FBXL13: variants seen among roughly 807,000 people sequenced by gnomAD.
FBXL13 encodes the protein F-box and leucine rich repeat protein 13.
Under a neutral mutation model 83.6 loss-of-function variants are expected in FBXL13, and 67 were observed. That is an observed-to-expected ratio of 0.80 (90% CI 0.66 to 0.98). The LOEUF (loss-of-function observed/expected upper bound fraction) is 0.98, where lower values mean the gene tolerates loss of function less well. Ranked by LOEUF, FBXL13 falls within the 50% of genes least tolerant of loss-of-function variation. The pLI, the probability that FBXL13 is intolerant of heterozygous loss-of-function variation, is 0.00. For missense variants in FBXL13, 822 were observed against 866.5 expected, an observed-to-expected ratio of 0.95 and a Z score of 0.64; for synonymous variants, 272 against 299.5, an observed-to-expected ratio of 0.91 and a Z score of 0.95.
rs142514439 is a variant in FBXL13 at position 102,920,956 on chromosome 7, G to A, written c.878+5318C>T. Among the ~76,000 whole-genome samples, 571 of 151,440 alleles carry A rather than the reference G, an allele frequency of 3.8e-3. 5 individuals are homozygous for A. Among genetic ancestry groups the A allele is most frequent in the African/African-American group, 0.014 (562 of 41,296 alleles). Reference sequence around the variant, plus strand: ...ATCACGAGGTCAGGAGTTCGAGACCGGCCTGGCCAACATGATGAAACCCTG... The same window carrying A: ...ATCACGAGGTCAGGAGTTCGAGACCAGCCTGGCCAACATGATGAAACCCTG... On this transcript the variant is annotated intron_variant, in intron 10 of 19. Transcript: ENST00000313221.
At chr7:102,927,913 A>T (rs1273407436) in intron 9 of FBXL13, among the ~76,000 whole-genome samples, 1 of 152,256 alleles carries the variant, frequency 6.6e-6, no homozygotes, top group Non-Finnish European at 1.5e-5. Flanking sequence ...CAAGTATCAA[A>T]GTGATTATAC....
At chr7:102,852,925 C>T (rs917328166) in intron 17 of FBXL13, among the ~76,000 whole-genome samples, 4 of 152,136 alleles carry the variant, frequency 2.6e-5, no homozygotes, top group African/African-American at 9.7e-5. Flanking sequence ...ATTGCAAAAT[C>T]GGGGAACTAA....
At chr7:102,959,993 G>C (rs576854731) in intron 8 of FBXL13, among the ~76,000 whole-genome samples, 1 of 152,108 alleles carries the variant, frequency 6.6e-6, no homozygotes, top group African/African-American at 2.4e-5. Context: ...CACATATATA[G>C]AAATGTATTT....
chr7:102,873,304 CTGTGTAA>C (rs1455643940), intron 16 of FBXL13, among the ~76,000 whole-genome samples: 3 of 152,206 alleles, frequency 2.0e-5, no homozygotes, highest in South Asian at 4.1e-4. Context: ...TGCTCCCTGA[CTGTGTAA>C]GGGACACAGC....
chr7:103,004,256 C>T (rs533411256), intron 6 of FBXL13, among the ~76,000 whole-genome samples: 44 of 152,344 alleles, frequency 2.9e-4, no homozygotes, highest in African/African-American at 9.9e-4. Flanking sequence ...ATTGCTACCT[C>T]CTTTTCAGCA....
At chr7:102,985,666 T>C (rs185018907) in intron 6 of FBXL13, among the ~76,000 whole-genome samples, 1 of 152,182 alleles carries the variant, frequency 6.6e-6, no homozygotes, top group East Asian at 1.9e-4. Flanking sequence ...TGAACAGGAA[T>C]AACAGAAACT....
At chr7:102,931,133 A>G (rs1819093351) in intron 9 of FBXL13, among the ~76,000 whole-genome samples, 1 of 152,194 alleles carries the variant, frequency 6.6e-6, no homozygotes, top group Non-Finnish European at 1.5e-5. Flanking sequence ...GGAAAGCACC[A>G]CTTGGGGACA....
At chr7:103,033,753 C>G (rs999004283) in intron 2 of FBXL13, among the ~76,000 whole-genome samples, 9 of 152,092 alleles carry the variant, frequency 5.9e-5, no homozygotes, top group Non-Finnish European at 1.3e-4. Context: ...AATGAAAGAA[C>G]AAAGCTTCCA....
intron 10 of FBXL13, among the ~76,000 whole-genome samples, chr7:102,923,079 A>G (rs1817398645): frequency 6.6e-6 from 1 of 152,234 alleles, no homozygotes; most frequent in Non-Finnish European, 1.5e-5. Context: ...ACACAAGGTG[A>G]TATATGTCAA....
rs773469618 is a variant in FBXL13, at chr7:102,833,004, C to T, written c.1720-30G>A. The T allele has an allele frequency of 4.3e-6, 7 of 1,612,488 alleles. No homozygotes were observed. In the South Asian group the frequency reaches 5.5e-5, roughly 13 times the overall value. On this transcript the variant is annotated intron_variant, in intron 17 of 19. Transcript: ENST00000313221. The stretch of plus-strand genomic sequence containing the variant: ...AAAAAATTCCAAGGTCAAATTTTTT[C>T]TTTTCTTTAGTCATCTAGAACTGTC...
chr7:103,017,611 G>A (rs1792523970), intron 6 of FBXL13, among the ~76,000 whole-genome samples: 1 of 152,180 alleles, frequency 6.6e-6, no homozygotes, highest in South Asian at 2.1e-4. Flanking sequence ...AGAATAACTA[G>A]TGTAGAGAAG....
At chr7:102,871,832 T>C (rs1808575754) in intron 16 of FBXL13, among the ~76,000 whole-genome samples, 1 of 152,178 alleles carries the variant, frequency 6.6e-6, no homozygotes, top group African/African-American at 2.4e-5. Context: ...CTTTAATATG[T>C]CCTTTCCATG....
At chr7:102,951,470 C>T (rs1823394616) in intron 8 of FBXL13, among the ~76,000 whole-genome samples, 1 of 150,416 alleles carries the variant, frequency 6.6e-6, no homozygotes, top group Admixed American at 6.6e-5. Context: ...CCTGAAGAAA[C>T]TAGAAAAGAA....
At chr7:102,991,871 G>C (rs1016829860) in intron 6 of FBXL13, among the ~76,000 whole-genome samples, 1 of 152,154 alleles carries the variant, frequency 6.6e-6, no homozygotes, top group African/African-American at 2.4e-5. Flanking sequence ...TGTGAGTCAT[G>C]CCTGTAAGAT....
chr7:102,906,071 C>A lies in FBXL13; in HGVS notation c.1008+7015G>T, dbSNP rs185541882. On this transcript the variant is annotated intron_variant, in intron 11 of 19. Coordinates refer to ENST00000313221, the Ensembl canonical transcript of FBXL13. ...TTATATGGCGGCAGCAAGAAAAAAACGAGAAAGATGCAAAAGCGGAAGCCC... is the reference window on the plus strand; with the variant it reads ...TTATATGGCGGCAGCAAGAAAAAAAAGAGAAAGATGCAAAAGCGGAAGCCC... Among the ~76,000 whole-genome samples the A allele has an allele frequency of 7.1e-3, 1,086 of 152,040 alleles. 4 individuals are homozygous for A. The highest frequency in any genetic ancestry group is 0.012 in the Non-Finnish European group (796 of 67,978).
At chr7:102,903,082 T>C (rs530339234) in intron 11 of FBXL13, among the ~76,000 whole-genome samples, 2 of 152,150 alleles carry the variant, frequency 1.3e-5, no homozygotes, top group African/African-American at 4.8e-5. Flanking sequence ...CAATTTTTGG[T>C]GTCCTCTTTA....
intron 1 of FBXL13, among the ~76,000 whole-genome samples, chr7:103,068,550 T>C (rs920243665): frequency 3.3e-5 from 5 of 152,120 alleles, no homozygotes; most frequent in Non-Finnish European, 7.3e-5. Context: ...TGGCGAGCCA[T>C]GGAATTCCAG....
intron 6 of FBXL13, among the ~76,000 whole-genome samples, chr7:102,995,678 T>C (rs1410202119): frequency 6.6e-6 from 1 of 151,404 alleles, no homozygotes; most frequent in Non-Finnish European, 1.5e-5. Context: ...TTCCAGCTAC[T>C]TGGGAGTCTG....
intron 19 of FBXL13, among the ~76,000 whole-genome samples, chr7:102,821,218 T>C (rs1195237024): frequency 6.6e-6 from 1 of 152,154 alleles, no homozygotes; most frequent in South Asian, 2.1e-4. Context: ...TCCAGACCTA[T>C]CAGGAAGGGT....
Sources: allele counts gnomAD v4.1 joint callset (sites outside exome capture counted in the v4.1 genomes callset), GRCh38; gene constraint gnomAD v4.1.1; transcripts MANE v1.5; gene names NCBI Gene and HGNC (gene_info 2026-07-23, HGNC 2026-07-21).